RBFOX1: variants seen among roughly 807,000 people sequenced by gnomAD.
The protein encoded by RBFOX1 is RNA binding protein fox-1 homolog 1.
Under a neutral mutation model 57.7 loss-of-function variants are expected in RBFOX1, and 8 were observed. The ratio of observed to expected loss-of-function variants is 0.14; its 90% confidence interval spans 0.08 to 0.25. The LOEUF (loss-of-function observed/expected upper bound fraction) is 0.25. Among genes scored for constraint, RBFOX1 ranks in the 10% least tolerant of loss-of-function variants. The pLI is 1.00. For synonymous variants in RBFOX1, 326 were observed against 222.4 expected (o/e 1.47, Z -4.15); for missense variants, 611 against 548.5 (o/e 1.11, Z -1.14).
intron 1 of RBFOX1, among the ~76,000 whole-genome samples, chr16:5,414,594 T>C (rs190434582): frequency 9.2e-4 from 140 of 152,290 alleles, no homozygotes; most frequent in African/African-American, 3.3e-3. Flanking sequence ...GTGTCCAGCT[T>C]CCAGAAAGCT....
intron 2 of RBFOX1, among the ~76,000 whole-genome samples, chr16:6,344,333 G>C (rs1316838553): frequency 6.6e-6 from 1 of 151,440 alleles, no homozygotes; most frequent in Non-Finnish European, 1.5e-5. Context: ...TTACAAGCAT[G>C]AGCCACCATG....
In RBFOX1 at chr16:7,712,302, C is replaced by T. The variant is rs962904695; in HGVS notation, c.*1557C>T. ...AGTCCTCATGTGTACAGTGCAGGCC[C>T]TGTGGCCCGCACTTCAGTAAGTTAT... On this transcript the variant is annotated 3_prime_UTR_variant, in exon 16 of 16. Transcript: ENST00000550418. The T allele has an allele frequency of 6.6e-6, 1 of 152,586 alleles. No homozygotes were observed. The highest frequency in any genetic ancestry group is 1.5e-5 in the Non-Finnish European group (1 of 68,036). The allele number at this position is 152,586 out of a possible 1,614,324, so 9.5% of individuals were successfully genotyped here. A position where few individuals can be genotyped will look rare whatever the true frequency, so the allele number is the denominator to read the frequency against.
intron 4 of RBFOX1, among the ~76,000 whole-genome samples, chr16:7,312,184 A>G (rs1269286513): frequency 1.3e-5 from 2 of 152,218 alleles, no homozygotes; most frequent in East Asian, 1.9e-4. Flanking sequence ...GTTTGAGACC[A>G]GCCTGGCCTA....
chr16:6,573,369 C>G (rs906019244), intron 2 of RBFOX1, among the ~76,000 whole-genome samples: 1 of 152,272 alleles, frequency 6.6e-6, no homozygotes, highest in Admixed American at 6.5e-5. Flanking sequence ...TCTCTCAGCT[C>G]TAAGAAATTT....
chr16:6,317,188 C>G, intron 2 of RBFOX1, 131 bp downstream of exon 2: 1 of 822,270 alleles, frequency 1.2e-6, no homozygotes, highest in South Asian at 1.7e-5. Context: ...ATGTCTTTCT[C>G]TTCTGCCCTA....
intron 1 of RBFOX1, among the ~76,000 whole-genome samples, chr16:6,031,373 AG>A (rs1313363342): frequency 2.6e-5 from 4 of 152,236 alleles, no homozygotes. Flanking sequence ...AGGCCAGAAC[AG>A]GCAGCCTTGC....
intron 1 of RBFOX1, among the ~76,000 whole-genome samples, chr16:5,453,524 G>A (rs1406291089): frequency 1.3e-5 from 2 of 152,132 alleles, no homozygotes; most frequent in African/African-American, 2.4e-5. Context: ...CTGGTGTAAG[G>A]AAATGACCCC....
intron 4 of RBFOX1, among the ~76,000 whole-genome samples, chr16:5,991,204 T>C (rs2060389206): frequency 6.6e-6 from 1 of 152,144 alleles, no homozygotes; most frequent in Non-Finnish European, 1.5e-5. Flanking sequence ...GCAATCCCAC[T>C]AGGTTGATTT....
intron 1 of RBFOX1, among the ~76,000 whole-genome samples, chr16:6,139,922 C>G (rs1044243702): frequency 4.6e-5 from 7 of 152,216 alleles, no homozygotes; most frequent in Non-Finnish European, 8.8e-5. Flanking sequence ...GCAGGTGTAT[C>G]TCTGAAGCTC....
intron 4 of RBFOX1, among the ~76,000 whole-genome samples, chr16:5,897,317 G>C (rs1597689584): frequency 2.7e-5 from 4 of 150,844 alleles, no homozygotes; most frequent in Admixed American, 1.3e-4. Context: ...TTACAGGCGT[G>C]AGCCACCGCG....
chr16:6,278,537 GA>G (rs981353181), intron 1 of RBFOX1, among the ~76,000 whole-genome samples: 2 of 151,538 alleles, frequency 1.3e-5, no homozygotes, highest in Non-Finnish European at 2.9e-5. Context: ...ACCCAAAGAA[GA>G]AAAAAATAAC....
intron 4 of RBFOX1, among the ~76,000 whole-genome samples, chr16:5,909,582 C>T (rs771455071): frequency 1.2e-4 from 18 of 152,176 alleles, no homozygotes; most frequent in Non-Finnish European, 2.5e-4. Context: ...TGCAATCTCT[C>T]TTATCCTGAG....
intron 1 of RBFOX1, among the ~76,000 whole-genome samples, chr16:5,446,424 T>A (rs2068241254): frequency 6.6e-6 from 1 of 152,208 alleles, no homozygotes; most frequent in Non-Finnish European, 1.5e-5. Flanking sequence ...TTTTTTGTCC[T>A]CAGTTTATCT....
At chr16:5,797,571 C>T (rs969206313) in intron 3 of RBFOX1, among the ~76,000 whole-genome samples, 6 of 152,144 alleles carry the variant, frequency 3.9e-5, no homozygotes, top group African/African-American at 1.4e-4. Flanking sequence ...CACTTCTGAG[C>T]CCAGCCCTAA....
chr16:7,062,921 T>A (rs981908267), intron 4 of RBFOX1, among the ~76,000 whole-genome samples: 5 of 125,704 alleles, frequency 4.0e-5, no homozygotes, highest in African/African-American at 1.1e-4. Flanking sequence ...TTTTTTTTTT[T>A]TTTTTTTGCT....
At chr16:7,374,331 A>C (rs2097644137) in intron 4 of RBFOX1, among the ~76,000 whole-genome samples, 1 of 152,210 alleles carries the variant, frequency 6.6e-6, no homozygotes. Context: ...GGCACAATAC[A>C]GATAAACACT....
chr16:7,009,825 A>G (rs974687186), intron 3 of RBFOX1, among the ~76,000 whole-genome samples: 2 of 152,202 alleles, frequency 1.3e-5, no homozygotes, highest in Middle Eastern at 3.2e-3. Flanking sequence ...CTAACGTGAA[A>G]AGTTTGTATT....
Position 6,875,179 on chromosome 16 carries a change from C to T in RBFOX1, c.-15-176878C>T, listed in dbSNP as rs865786874. Among the ~76,000 whole-genome samples, 4 of 152,186 alleles carry T rather than the reference C, an allele frequency of 2.6e-5. 1 individual carries two copies. The highest frequency in any genetic ancestry group is 5.9e-5 in the Non-Finnish European group (4 of 68,042). ...CTACAGTGCTTGTGCACATAATCAT[C>T]TTCTTTGTATTATTATAGTGCTACG... On this transcript the variant is annotated intron_variant, in intron 3 of 15. Coordinates refer to ENST00000550418, the MANE Select transcript of RBFOX1 (RefSeq NM_018723.4).
chr16:5,596,051 C>A (rs937360738), intron 2 of RBFOX1, among the ~76,000 whole-genome samples: 6 of 152,102 alleles, frequency 3.9e-5, no homozygotes, highest in Non-Finnish European at 8.8e-5. Flanking sequence ...AGATAGACAG[C>A]TAAAGAGGAC....
Sources: gnomAD v4.1 joint callset for allele counts (sites outside exome capture counted in the v4.1 genomes callset) on GRCh38, gnomAD v4.1.1 for gene constraint, MANE v1.5 for transcripts, NCBI Gene and HGNC (gene_info 2026-07-23, HGNC 2026-07-21) for gene names.